The following VPS13B variants were observed in gnomAD, a reference collection of about 807,000 sequenced individuals.
VPS13B encodes intermembrane lipid transfer protein VPS13B.
In VPS13B, 285 loss-of-function variants were observed where a neutral mutation model predicts 426.4. The observed-to-expected ratio is 0.67, with a 90% CI of 0.61 to 0.74. The LOEUF (loss-of-function observed/expected upper bound fraction) is 0.74. VPS13B is among the 30% of genes least tolerant of loss of function. VPS13B has a pLI of 0.00. For synonymous variants in VPS13B, 1,676 were observed against 1,676.4 expected, an observed-to-expected ratio of 1.00 and a Z score of 0.01; for missense variants, 4,537 against 4,782.6, an observed-to-expected ratio of 0.95 and a Z score of 1.51.
At chr8:99,391,478 T>C (rs1364909165) in intron 20 of VPS13B, 79 bp from the exon 21 acceptor site, 1 of 1,607,160 alleles carries the variant, frequency 6.2e-7, no homozygotes, top group Non-Finnish European at 8.5e-7. Context: ...GTCCTCAGTA[T>C]TGCCATGTTT....
At chr8:99,867,600 C>T (rs1034543607) in intron 58 of VPS13B, among the ~76,000 whole-genome samples, 1 of 152,156 alleles carries the variant, frequency 6.6e-6, no homozygotes, top group African/African-American at 2.4e-5. Flanking sequence ...GTACACTTAA[C>T]AGCTGTGTGA....
chr8:99,293,589 A>G lies in VPS13B; in HGVS notation c.2824+18335A>G, dbSNP rs1337757403. 2.3e-5 allele frequency among the ~76,000 whole-genome samples: 3 copies of G among 128,252 alleles called. No individual in the cohort carries two copies. In the East Asian group the frequency reaches 7.3e-4, roughly 31 times the overall value. The allele number at this position is 128,252 out of a possible 152,430, so 84.1% of individuals were successfully genotyped here. A position where few individuals can be genotyped will look rare whatever the true frequency, so the allele number is the denominator to read the frequency against. On this transcript the variant is annotated intron_variant, in intron 19 of 61. Coordinates refer to ENST00000357162, the MANE Select transcript of VPS13B (RefSeq NM_152564.5). The stretch of plus-strand genomic sequence containing the variant: ...CTTCTGCACAGCAAAAGAAACTACC[A>G]TCAGAGTGAACAGGCAACCTACAAC...
intron 17 of VPS13B, among the ~76,000 whole-genome samples, chr8:99,232,293 T>C (rs1160543636): frequency 2.0e-5 from 3 of 152,094 alleles, no homozygotes; most frequent in African/African-American, 4.8e-5. Context: ...GAGAAATGGA[T>C]GTATAAGCTA....
At chr8:99,848,996 C>T in intron 55 of VPS13B, 102 bp downstream of exon 55, 1 of 1,129,046 alleles carries the variant, frequency 8.9e-7, no homozygotes, top group East Asian at 2.4e-5. Context: ...TGTATTAAAG[C>T]TTTTGGTTAA....
chr8:99,864,919 G>A (rs890021876), intron 58 of VPS13B, among the ~76,000 whole-genome samples: 3 of 152,190 alleles, frequency 2.0e-5, no homozygotes, highest in Admixed American at 6.5e-5. Context: ...AAGTTCCAGT[G>A]TAGGAAAAAC....
intron 29 of VPS13B, among the ~76,000 whole-genome samples, chr8:99,515,697 G>A (rs964079849): frequency 7.2e-5 from 11 of 151,916 alleles, no homozygotes; most frequent in East Asian, 1.9e-4. Context: ...TTGGATGTAT[G>A]TATCTGTAGA....
chr8:99,595,693 G>T (rs1826973742), intron 33 of VPS13B, among the ~76,000 whole-genome samples: 1 of 151,794 alleles, frequency 6.6e-6, no homozygotes, highest in African/African-American at 2.4e-5. Context: ...ACAACCCATA[G>T]AATCAGAGAA....
chr8:99,238,948 G>C (rs1011851920), intron 17 of VPS13B, among the ~76,000 whole-genome samples: 1 of 152,086 alleles, frequency 6.6e-6, no homozygotes, highest in Non-Finnish European at 1.5e-5. Context: ...GAGAGAGGAA[G>C]GTATTTATTT....
intron 15 of VPS13B, among the ~76,000 whole-genome samples, chr8:99,164,068 G>A (rs1811849596): frequency 6.6e-6 from 1 of 152,174 alleles, no homozygotes; most frequent in African/African-American, 2.4e-5. Flanking sequence ...CTGCAGTTGT[G>A]GTGTCCTTCA....
chr8:99,365,676 A>T (rs1388363476), intron 19 of VPS13B, among the ~76,000 whole-genome samples: 6 of 151,244 alleles, frequency 4.0e-5, no homozygotes, highest in Non-Finnish European at 4.4e-5. Flanking sequence ...ACCACCACGC[A>T]TGGCTAATTT....
chr8:99,657,470 T>TTGTGTGTGTGTGTG (rs34355540), intron 34 of VPS13B, among the ~76,000 whole-genome samples: 65,106 of 146,532 alleles, frequency 0.44, 16,460 homozygotes, highest in Non-Finnish European at 0.57. Flanking sequence ...ACTTTAAAAA[T>TTGTGTGTGTGTGTG]TGTGTGTGTG....
intron 19 of VPS13B, among the ~76,000 whole-genome samples, chr8:99,349,707 T>C (rs1238041031): frequency 6.6e-6 from 1 of 152,252 alleles, no homozygotes; most frequent in Non-Finnish European, 1.5e-5. Flanking sequence ...TACTTTTCTA[T>C]AATCGTTGAA....
intron 17 of VPS13B, among the ~76,000 whole-genome samples, chr8:99,211,106 A>G (rs1313291828): frequency 6.6e-6 from 1 of 152,036 alleles, no homozygotes; most frequent in African/African-American, 2.4e-5. Flanking sequence ...CCTTGTTACT[A>G]CCATGATTGT....
chr8:99,064,003 A>G (rs567722712), intron 3 of VPS13B, among the ~76,000 whole-genome samples: 1 of 152,270 alleles, frequency 6.6e-6, no homozygotes, highest in Non-Finnish European at 1.5e-5. Context: ...CAGCTGAGGG[A>G]CCAGACTGTT....
intron 44 of VPS13B, among the ~76,000 whole-genome samples, chr8:99,817,108 C>A (rs1053125406): frequency 4.6e-5 from 7 of 151,942 alleles, no homozygotes; most frequent in Non-Finnish European, 8.8e-5. Flanking sequence ...TGTTCTCCTT[C>A]ATCCCTTCTT....
At chr8:99,273,159 GTTTT>G (rs757322206) in intron 17 of VPS13B, among the ~76,000 whole-genome samples, 1 of 129,454 alleles carries the variant, frequency 7.7e-6, no homozygotes, top group African/African-American at 2.8e-5. Context: ...TACTCAGGTA[GTTTT>G]TTTTTTTTTT....
Position 99,082,072 on chromosome 8 carries a change from C to G in VPS13B, c.292-14240C>G, listed in dbSNP as rs550766052. Among the ~76,000 whole-genome samples, 4 of 152,236 alleles carry G rather than the reference C, an allele frequency of 2.6e-5. No individual in the cohort carries two copies. The East Asian group carries it at 5.8e-4, about 22-fold the overall frequency. ...ACAGTGGTTGAACTAGTTTATAGTC[C>G]CACCAACAGTGTAAAAGTGTTCCTG... On this transcript the variant is annotated intron_variant, in intron 3 of 61. Transcript: ENST00000357162.
chr8:99,136,589 G>A, intron 11 of VPS13B, 76 bp from the exon 12 acceptor site: 1 of 1,393,122 alleles, frequency 7.2e-7, no homozygotes, highest in Non-Finnish European at 1.0e-6. Flanking sequence ...AAAGATATGT[G>A]TCTAACCTAT....
At chr8:99,197,184 T>A (rs1326684720) in intron 17 of VPS13B, among the ~76,000 whole-genome samples, 1 of 152,244 alleles carries the variant, frequency 6.6e-6, no homozygotes, top group African/African-American at 2.4e-5. Flanking sequence ...CACTGTATCA[T>A]GGCAAAAGAT....
Sources: gnomAD v4.1 joint callset for allele counts (sites outside exome capture counted in the v4.1 genomes callset) on GRCh38, gnomAD v4.1.1 for gene constraint, MANE v1.5 for transcripts, NCBI Gene and HGNC (gene_info 2026-07-23, HGNC 2026-07-21) for gene names.